The following SPATS1 variants were observed in gnomAD, a reference collection of about 807,000 sequenced individuals.
The protein encoded by SPATS1 is spermatogenesis associated serine rich 1.
Under a neutral mutation model 33.6 loss-of-function variants are expected in SPATS1, and 23 were observed. The observed-to-expected ratio is 0.68, with a 90% CI of 0.49 to 0.97. The LOEUF (loss-of-function observed/expected upper bound fraction) is 0.97. Ranked by LOEUF, SPATS1 falls within the 50% of genes least tolerant of loss-of-function variation. The probability of loss-of-function intolerance (pLI) is 0.00; values close to 1 mark genes in which losing one functional copy is unlikely to be tolerated. For synonymous variants in SPATS1, 131 were observed against 125.6 expected (o/e 1.04, Z -0.29); for missense variants, 327 against 361.0 (o/e 0.91, Z 0.76).
chr6:44,343,000 CT>C, intron 1 of SPATS1, 95 bp from the exon 2 acceptor site: 4 of 1,500,748 alleles, frequency 2.7e-6, no homozygotes, highest in Non-Finnish European at 3.6e-6. Context: ...CTTTCGGTGG[CT>C]TGTGGAATTT....
rs150235811 is a variant in SPATS1 at position 44,360,568 on chromosome 6, C to T, written c.410C>T (p.Thr137Met). 4.2e-5 allele frequency: 67 copies of T among 1,614,004 alleles called. No individual in the cohort carries two copies. Among genetic ancestry groups the T allele is most frequent in the African/African-American group, 4.1e-4 (31 of 75,024 alleles). The change falls in exon 4 of 9, where the codon ACG (threonine) becomes ATG (methionine). Residue 137 changes from threonine to methionine, a missense_variant and splice_region_variant. Physicochemically the swap from Thr to Met is moderately conservative, Grantham distance 81. Transcript: ENST00000674044. ...PEEFSLLKLQTKDGHRPEWTF... is the reference protein window; with the variant it reads ...PEEFSLLKLQMKDGHRPEWTF... The stretch of plus-strand genomic sequence containing the variant: ...GAATTCAGCCTGCTTAAGTTGCAGA[C>T]GAGTAAGTCACAGACCCTCCTCCAC...
chr6:44,351,866 G>A (rs1214550369), intron 2 of SPATS1, among the ~76,000 whole-genome samples: 3 of 152,186 alleles, frequency 2.0e-5, no homozygotes, highest in Non-Finnish European at 4.4e-5. Context: ...AACTGTGAGG[G>A]GAACCCACAG....
At chr6:44,368,350 A>T in intron 5 of SPATS1, 29 bp from the exon 6 acceptor site, 1 of 1,608,908 alleles carries the variant, frequency 6.2e-7, no homozygotes, top group Non-Finnish European at 8.5e-7. Flanking sequence ...CAGCCCTTGT[A>T]TGATTTTGTT....
chr6:44,370,953 T>C (rs929213033), intron 7 of SPATS1, among the ~76,000 whole-genome samples: 2 of 151,848 alleles, frequency 1.3e-5, no homozygotes, highest in African/African-American at 4.8e-5. Context: ...AGAATACCAA[T>C]TAGTCTGGTT....
intron 2 of SPATS1, chr6:44,343,476 G>T: frequency 1.6e-6 from 1 of 608,314 alleles, no homozygotes; most frequent in Non-Finnish European, 3.1e-6. Flanking sequence ...CAGCAGTGGA[G>T]AAGTATATTA....
intron 2 of SPATS1, among the ~76,000 whole-genome samples, chr6:44,344,500 A>T (rs770621614): frequency 6.6e-6 from 1 of 151,804 alleles, no homozygotes; most frequent in Non-Finnish European, 1.5e-5. Flanking sequence ...CGGGTTAAAA[A>T]CTTCTGTCCT....
chr6:44,360,141 A>G (rs1220880346), intron 3 of SPATS1, among the ~76,000 whole-genome samples: 1 of 152,048 alleles, frequency 6.6e-6, no homozygotes, highest in Non-Finnish European at 1.5e-5. Context: ...AAACACTTAA[A>G]AAAATTAGTA....
chr6:44,375,447 G>C (rs1330011979), intron 7 of SPATS1, among the ~76,000 whole-genome samples: 4 of 152,164 alleles, frequency 2.6e-5, no homozygotes, highest in African/African-American at 4.8e-5. Context: ...GAGGAACTAG[G>C]TAAGAAATGC....
rs141120090 is a variant in SPATS1 at position 44,347,305 on chromosome 6, G to A, written c.139+4071G>A. Reference sequence around the variant, plus strand: ...GGGTTGATGGGTGCAGCAAACTACCGTGGCATGTGTATAACTATGTAACAA... The same window carrying A: ...GGGTTGATGGGTGCAGCAAACTACCATGGCATGTGTATAACTATGTAACAA... On this transcript the variant is annotated intron_variant, in intron 2 of 8. Coordinates refer to ENST00000674044, the MANE Select transcript of SPATS1 (RefSeq NM_001372081.1). Among the ~76,000 whole-genome samples the A allele has an allele frequency of 3.9e-3, 589 of 152,128 alleles. 4 individuals are homozygous for A. Among genetic ancestry groups the A allele is most frequent in the African/African-American group, 0.013 (560 of 41,490 alleles).
At chr6:44,369,013 C>G (rs1186599379) in intron 6 of SPATS1, among the ~76,000 whole-genome samples, 1 of 151,494 alleles carries the variant, frequency 6.6e-6, no homozygotes, top group Non-Finnish European at 1.5e-5. Context: ...TCTCCTGCCT[C>G]AGCCTCCCGA....
chr6:44,371,478 T>C (rs571383862), intron 7 of SPATS1, among the ~76,000 whole-genome samples: 1 of 152,342 alleles, frequency 6.6e-6, no homozygotes, highest in South Asian at 2.1e-4. Flanking sequence ...TTAGCATTTA[T>C]TGTTTCCTAG....
chr6:44,354,119 A>C (rs1184893248), intron 3 of SPATS1, among the ~76,000 whole-genome samples: 1 of 150,140 alleles, frequency 6.7e-6, no homozygotes, highest in Non-Finnish European at 1.5e-5. Context: ...TGGGAGGTTG[A>C]GGCCAGGAGT....
At chr6:44,361,781 A>C (rs771738668) in intron 4 of SPATS1, 50 bp from the exon 5 acceptor site, 1 of 1,610,998 alleles carries the variant, frequency 6.2e-7, no homozygotes, top group East Asian at 2.2e-5. Context: ...ATCCAGTTGC[A>C]TTATGAGGCT....
intron 5 of SPATS1, among the ~76,000 whole-genome samples, chr6:44,367,274 G>T (rs147690051): frequency 0.01 from 1,577 of 152,268 alleles, 41 homozygotes; most frequent in East Asian, 0.07. Context: ...TTTTAGTAGA[G>T]ACAGGGTTTC....
chr6:44,358,124 C>T (rs748239558), intron 3 of SPATS1, among the ~76,000 whole-genome samples: 1 of 152,014 alleles, frequency 6.6e-6, no homozygotes, highest in Non-Finnish European at 1.5e-5. Context: ...TATTCTGAAT[C>T]AGGGGTGGGG....
At chr6:44,347,438 T>A (rs2153364972) in intron 2 of SPATS1, among the ~76,000 whole-genome samples, 1 of 152,322 alleles carries the variant, frequency 6.6e-6, no homozygotes, top group South Asian at 2.1e-4. Flanking sequence ...GTTATAGATT[T>A]TCCCCCAGTT....
Position 44,343,209 on chromosome 6 carries a change from C to A in SPATS1, c.114C>A (p.Gly38=), listed in dbSNP as rs758794030. The A allele has an allele frequency of 6.2e-7, 1 of 1,613,878 alleles. No individual in the cohort carries two copies. Among genetic ancestry groups the A allele is most frequent in the Non-Finnish European group, 8.5e-7 (1 of 1,179,978 alleles). ...AGGTTCCAGAAAAAAGGGACTCTGG[C>A]ATGACCGAGGTGGAGAGGACCTACA... is the stretch of plus-strand genomic sequence containing the variant. The part of the protein sequence containing the change: ...LEKVPEKRDS[G]MTEVERTYSA... The change falls in exon 2 of 9, where the codon GGC becomes GGA. Residue 38 remains glycine, a synonymous_variant. Transcript: ENST00000674044.
rs192671599 is a variant in SPATS1, at chr6:44,351,233, G to A, written c.140-1493G>A. 8.3e-3 allele frequency among the ~76,000 whole-genome samples: 1,261 copies of A among 151,932 alleles called. 7 individuals are homozygous for A. Among genetic ancestry groups the A allele is most frequent in the South Asian group, 0.017 (82 of 4,810 alleles). Reference sequence around the variant, plus strand: ...TTTACATAGCATTTGCATTGTATTAGGTATTACAAGTAATCTAGAGATGAT... The same window carrying A: ...TTTACATAGCATTTGCATTGTATTAAGTATTACAAGTAATCTAGAGATGAT... On this transcript the variant is annotated intron_variant, in intron 2 of 8. Transcript: ENST00000674044.
chr6:44,362,159 G>C (rs1385922908), intron 5 of SPATS1, among the ~76,000 whole-genome samples, 167 bp downstream of exon 5: 2 of 152,166 alleles, frequency 1.3e-5, no homozygotes, highest in Admixed American at 1.3e-4. Context: ...CAGGCTGCAC[G>C]TTTTGGCAAA....
Sources: allele counts gnomAD v4.1 joint callset (sites outside exome capture counted in the v4.1 genomes callset), GRCh38; gene constraint gnomAD v4.1.1; transcripts MANE v1.5; gene names NCBI Gene and HGNC (gene_info 2026-07-23, HGNC 2026-07-21).